The following GALNT13 variants were observed in gnomAD, a reference collection of about 807,000 sequenced individuals.
GALNT13 encodes the protein polypeptide N-acetylgalactosaminyltransferase 13.
GALNT13 carries 28 observed loss-of-function variants against 64.2 expected under a neutral mutation model. The observed-to-expected ratio is 0.44, with a 90% CI of 0.32 to 0.60. The LOEUF is 0.60. GALNT13 is among the 20% of genes least tolerant of loss of function. GALNT13 has a pLI of 0.05. For missense variants in GALNT13, 577 were observed against 669.8 expected (o/e 0.86, Z 1.53); for synonymous variants, 214 against 224.6 (o/e 0.95, Z 0.42).
the GALNT13 span, among the ~76,000 whole-genome samples, chr2:153,366,392 A>T: frequency 2.0e-5 from 3 of 152,114 alleles, no homozygotes; most frequent in Non-Finnish European, 2.9e-5. Context: ...TCTATCCCGG[A>T]ACTTAAAGTA....
chr2:154,087,811 G>C (rs1701608642), intron 3 of GALNT13, among the ~76,000 whole-genome samples: 1 of 151,482 alleles, frequency 6.6e-6, no homozygotes, highest in African/African-American at 2.4e-5. Context: ...TATTTTCTTG[G>C]AATATAAGTG....
intron 10 of GALNT13, among the ~76,000 whole-genome samples, chr2:154,397,616 T>C (rs964892844): frequency 7.9e-5 from 12 of 152,178 alleles, no homozygotes; most frequent in African/African-American, 2.9e-4. Flanking sequence ...TATAAACATA[T>C]CTTACTTACA....
the GALNT13 span, among the ~76,000 whole-genome samples, chr2:153,431,415 C>G: frequency 6.6e-6 from 1 of 152,072 alleles, no homozygotes; most frequent in Non-Finnish European, 1.5e-5. Context: ...TAAAATTGAG[C>G]TTGTCAATAG....
At chr2:153,089,342 G>T in the GALNT13 span, among the ~76,000 whole-genome samples, 1 of 152,224 alleles carries the variant, frequency 6.6e-6, no homozygotes, top group African/African-American at 2.4e-5. Context: ...TGAGAAATCT[G>T]CTGTTAATCT....
chr2:154,260,075 A>G (rs1180308123), intron 8 of GALNT13, among the ~76,000 whole-genome samples: 1 of 151,748 alleles, frequency 6.6e-6, no homozygotes, highest in Non-Finnish European at 1.5e-5. Context: ...TTGTAGAGAC[A>G]GGGTTTTGCC....
At chr2:153,465,548 C>T in the GALNT13 span, among the ~76,000 whole-genome samples, 2 of 151,472 alleles carry the variant, frequency 1.3e-5, no homozygotes, top group Non-Finnish European at 2.9e-5. Flanking sequence ...AGTAAGGAAA[C>T]AAAATCCTGT....
At chr2:153,609,001 C>T in the GALNT13 span, among the ~76,000 whole-genome samples, 63 of 149,802 alleles carry the variant, frequency 4.2e-4, no homozygotes, top group African/African-American at 1.4e-3. Flanking sequence ...ACTGCAACTT[C>T]CGCCTTCAGG....
chr2:153,646,290 A>G, the GALNT13 span, among the ~76,000 whole-genome samples: 1 of 151,926 alleles, frequency 6.6e-6, no homozygotes, highest in African/African-American at 2.4e-5. Context: ...TATTAATATT[A>G]TTTACTAAGA....
At chr2:153,411,179 A>ATTT in the GALNT13 span, among the ~76,000 whole-genome samples, 31 of 128,296 alleles carry the variant, frequency 2.4e-4, no homozygotes, top group Non-Finnish European at 3.2e-4. Context: ...ATATATATAT[A>ATTT]TTTTTTTTTT....
the GALNT13 span, among the ~76,000 whole-genome samples, chr2:153,833,448 CTT>C: frequency 6.6e-6 from 1 of 151,778 alleles, no homozygotes; most frequent in Non-Finnish European, 1.5e-5. Context: ...AAAATTGTAA[CTT>C]GAGGTTGCTA....
At chr2:154,248,795 T>C (rs1689919962) in intron 7 of GALNT13, among the ~76,000 whole-genome samples, 1 of 152,188 alleles carries the variant, frequency 6.6e-6, no homozygotes, top group Non-Finnish European at 1.5e-5. Flanking sequence ...CTAAATTATG[T>C]TCCTGACACT....
the GALNT13 span, among the ~76,000 whole-genome samples, chr2:153,726,927 G>C: frequency 7.4e-6 from 1 of 134,752 alleles, no homozygotes; most frequent in Non-Finnish European, 1.5e-5. Context: ...ACAACAGAGC[G>C]AGACTCCATC....
chr2:153,458,810 T>C, the GALNT13 span, among the ~76,000 whole-genome samples: 4 of 152,340 alleles, frequency 2.6e-5, no homozygotes, highest in South Asian at 8.3e-4. Context: ...TTTCATTCAG[T>C]AACTATTTTA....
chr2:153,965,031 A>C (rs1045675971), intron 3 of GALNT13, among the ~76,000 whole-genome samples: 8 of 152,114 alleles, frequency 5.3e-5, no homozygotes, highest in African/African-American at 1.9e-4. Context: ...AATGTGATGA[A>C]TTTTTTATGT....
At chr2:154,026,544 C>T (rs1036264944) in intron 3 of GALNT13, among the ~76,000 whole-genome samples, 7 of 152,142 alleles carry the variant, frequency 4.6e-5, no homozygotes, top group Non-Finnish European at 8.8e-5. Flanking sequence ...GATTAGGGTG[C>T]CAGCATGGGC....
chr2:154,065,892 C>T (rs927873897), intron 3 of GALNT13, among the ~76,000 whole-genome samples: 1 of 152,076 alleles, frequency 6.6e-6, no homozygotes, highest in Non-Finnish European at 1.5e-5. Flanking sequence ...AGTAAGTCAC[C>T]AGTGACCAAT....
intron 10 of GALNT13, among the ~76,000 whole-genome samples, chr2:154,397,402 G>GCA (rs1349168860): frequency 6.6e-6 from 1 of 152,164 alleles, no homozygotes; most frequent in Non-Finnish European, 1.5e-5. Flanking sequence ...TCGCGCCATT[G>GCA]CACTCCAGCC....
chr2:153,917,624 A>G (rs1689466038), intron 2 of GALNT13, among the ~76,000 whole-genome samples: 1 of 152,174 alleles, frequency 6.6e-6, no homozygotes, highest in Non-Finnish European at 1.5e-5. Flanking sequence ...TTGCACATCC[A>G]CTGAAATGAA....
chr2:153,373,115 C>A, the GALNT13 span, among the ~76,000 whole-genome samples: 4 of 145,298 alleles, frequency 2.8e-5, no homozygotes, highest in African/African-American at 1.0e-4. Context: ...ATAGCCTTTG[C>A]CCATTATTCT....
Sources: gnomAD v4.1 joint callset for allele counts (sites outside exome capture counted in the v4.1 genomes callset) on GRCh38, gnomAD v4.1.1 for gene constraint, MANE v1.5 for transcripts, NCBI Gene and HGNC (gene_info 2026-07-23, HGNC 2026-07-21) for gene names.